The following LRRTM4 variants were observed in gnomAD, a reference collection of about 807,000 sequenced individuals.
LRRTM4 encodes leucine rich repeat transmembrane neuronal 4.
In LRRTM4, 25 loss-of-function variants were observed where a neutral mutation model predicts 47.6. The ratio of observed to expected loss-of-function variants is 0.53; its 90% CI spans 0.38 to 0.73. The LOEUF is 0.73. LRRTM4 is among the 30% of genes least tolerant of loss of function. The probability of loss-of-function intolerance (pLI) is 0.00; values close to 1 mark genes in which losing one functional copy is unlikely to be tolerated. For missense variants in LRRTM4, 638 were observed against 713.4 expected (o/e 0.89, Z 1.20); for synonymous variants, 311 against 269.5 (o/e 1.15, Z -1.51).
intron 3 of LRRTM4, among the ~76,000 whole-genome samples, chr2:77,225,445 G>A (rs1187470632): frequency 6.6e-6 from 1 of 150,934 alleles, no homozygotes; most frequent in East Asian, 1.9e-4. Flanking sequence ...AACAGCTGAT[G>A]TTGGTAAAGT....
chr2:77,310,941 G>T (rs540211940), intron 3 of LRRTM4, among the ~76,000 whole-genome samples: 1 of 151,326 alleles, frequency 6.6e-6, no homozygotes, highest in Non-Finnish European at 1.5e-5. Context: ...CATATATATA[G>T]AGAGAATATT....
chr2:76,856,045 G>A (rs1434919583), intron 3 of LRRTM4, among the ~76,000 whole-genome samples: 1 of 152,164 alleles, frequency 6.6e-6, no homozygotes, highest in South Asian at 2.1e-4. Context: ...GGGAAGCCAA[G>A]GTGGGCGGAT....
At chr2:76,756,311 CT>C (rs1436837914) in intron 3 of LRRTM4, among the ~76,000 whole-genome samples, 1 of 152,082 alleles carries the variant, frequency 6.6e-6, no homozygotes, top group African/African-American at 2.4e-5. Context: ...TATATTCTGA[CT>C]TTTTTGGGCC....
intron 3 of LRRTM4, among the ~76,000 whole-genome samples, chr2:77,154,858 T>C (rs190764025): frequency 2.0e-5 from 3 of 152,290 alleles, no homozygotes; most frequent in East Asian, 3.9e-4. Flanking sequence ...TAGTATTATT[T>C]TCTTGTATAA....
intron 3 of LRRTM4, among the ~76,000 whole-genome samples, chr2:76,931,179 A>C (rs562437613): frequency 5.9e-5 from 9 of 152,330 alleles, no homozygotes; most frequent in Admixed American, 5.2e-4. Flanking sequence ...TTTTTTATCA[A>C]GTCAAAATTA....
chr2:76,990,089 T>C (rs1676949752), intron 3 of LRRTM4, among the ~76,000 whole-genome samples: 1 of 151,794 alleles, frequency 6.6e-6, no homozygotes, highest in Non-Finnish European at 1.5e-5. Flanking sequence ...TAGAAGGCAA[T>C]GCCTTAATCA....
chr2:77,285,340 TTATA>T (rs10527679), intron 3 of LRRTM4, among the ~76,000 whole-genome samples: 24 of 82,606 alleles, frequency 2.9e-4, no homozygotes, highest in South Asian at 1.7e-3. Context: ...AGCATTAAAT[TTATA>T]TATATATATA....
intron 3 of LRRTM4, among the ~76,000 whole-genome samples, chr2:76,903,623 G>C (rs984662691): frequency 2.0e-5 from 3 of 152,194 alleles, no homozygotes; most frequent in Non-Finnish European, 2.9e-5. Context: ...GATGGTGTTT[G>C]TTGGTGATAT....
At chr2:77,478,821 G>GA (rs1341718973) in intron 3 of LRRTM4, among the ~76,000 whole-genome samples, 1 of 152,028 alleles carries the variant, frequency 6.6e-6, no homozygotes, top group Non-Finnish European at 1.5e-5. Flanking sequence ...TTTTAAAAAA[G>GA]AAAAAAACAA....
intron 3 of LRRTM4, among the ~76,000 whole-genome samples, chr2:76,806,744 G>C (rs900710868): frequency 6.6e-6 from 1 of 152,028 alleles, no homozygotes; most frequent in African/African-American, 2.4e-5. Flanking sequence ...ATAAGATATT[G>C]TAAAAATTCA....
chr2:76,759,688 T>C (rs900824488), intron 3 of LRRTM4, among the ~76,000 whole-genome samples: 9 of 152,088 alleles, frequency 5.9e-5, no homozygotes, highest in African/African-American at 1.9e-4. Context: ...TTTCTCAATT[T>C]CACCAAGCCT....
intron 3 of LRRTM4, among the ~76,000 whole-genome samples, chr2:76,958,670 A>G (rs1267323024): frequency 6.6e-6 from 1 of 151,732 alleles, no homozygotes; most frequent in East Asian, 2.0e-4. Context: ...CATTTGAATC[A>G]AGAAAATAGC....
chr2:76,868,740 A>T (rs1672535832), intron 3 of LRRTM4, among the ~76,000 whole-genome samples: 1 of 152,170 alleles, frequency 6.6e-6, no homozygotes, highest in South Asian at 2.1e-4. Flanking sequence ...AAATAAAGAG[A>T]AGCATCAAAA....
chr2:77,471,640 T>C (rs1677193417), intron 3 of LRRTM4, among the ~76,000 whole-genome samples: 1 of 152,168 alleles, frequency 6.6e-6, no homozygotes, highest in African/African-American at 2.4e-5. Flanking sequence ...TCTCAAATCA[T>C]TTGCCCTTGA....
At chr2:77,101,403 G>T (rs950335770) in intron 3 of LRRTM4, among the ~76,000 whole-genome samples, 1 of 152,080 alleles carries the variant, frequency 6.6e-6, no homozygotes, top group Non-Finnish European at 1.5e-5. Context: ...AATGAGGGGG[G>T]TGAAGATTAA....
At chr2:77,252,840 G>A (rs143623326) in intron 3 of LRRTM4, among the ~76,000 whole-genome samples, 67 of 152,260 alleles carry the variant, frequency 4.4e-4, no homozygotes, top group African/African-American at 1.6e-3. Context: ...AGTTCTGGAT[G>A]TTAGAAGTCT....
intron 3 of LRRTM4, among the ~76,000 whole-genome samples, chr2:77,209,788 T>C (rs1674241883): frequency 6.6e-6 from 1 of 152,244 alleles, no homozygotes; most frequent in Admixed American, 6.5e-5. Context: ...AATAGTTTTA[T>C]CTGGCAAAAG....
chr2:76,774,976 G>C (rs1202061341), intron 3 of LRRTM4, among the ~76,000 whole-genome samples: 1 of 152,154 alleles, frequency 6.6e-6, no homozygotes, highest in Non-Finnish European at 1.5e-5. Context: ...TGGTTCAAAA[G>C]CACTCATCTC....
At chr2:76,795,458 A>G (rs949393244) in intron 3 of LRRTM4, among the ~76,000 whole-genome samples, 3 of 152,196 alleles carry the variant, frequency 2.0e-5, no homozygotes, top group Non-Finnish European at 4.4e-5. Flanking sequence ...TGTAATGACT[A>G]TATACACAGA....
Sources: gnomAD v4.1 joint callset for allele counts (sites outside exome capture counted in the v4.1 genomes callset) on GRCh38, gnomAD v4.1.1 for gene constraint, MANE v1.5 for transcripts, NCBI Gene and HGNC (gene_info 2026-07-23, HGNC 2026-07-21) for gene names.